The following KSR2 variants were observed in gnomAD, a reference collection of about 807,000 sequenced individuals.
The protein encoded by KSR2 is kinase suppressor of ras 2.
KSR2 carries 25 observed loss-of-function variants against 107.8 expected under a neutral mutation model. That is an observed-to-expected ratio of 0.23 (90% CI 0.17 to 0.32). The LOEUF (loss-of-function observed/expected upper bound fraction) is 0.32. KSR2 is among the 10% of genes least tolerant of loss of function. The pLI, the probability that KSR2 is intolerant of heterozygous loss-of-function variation, is 1.00. For synonymous variants in KSR2, 480 were observed against 507.0 expected (o/e 0.95, Z 0.71); for missense variants, 887 against 1,268.9 (o/e 0.70, Z 4.57).
At chr12:117,596,629 CATTA>C (rs1880660546) in intron 5 of KSR2, among the ~76,000 whole-genome samples, 1 of 152,010 alleles carries the variant, frequency 6.6e-6, no homozygotes, top group South Asian at 2.1e-4. Flanking sequence ...AACAAATTTA[CATTA>C]ATTAATTAAC....
intron 3 of KSR2, among the ~76,000 whole-genome samples, chr12:117,843,485 A>G (rs1892574357): frequency 6.6e-6 from 1 of 152,122 alleles, no homozygotes; most frequent in South Asian, 2.1e-4. Context: ...CTTCCATGGC[A>G]CCCGTGTTTC....
At chr12:117,872,640 G>C (rs970034793) in intron 1 of KSR2, among the ~76,000 whole-genome samples, 1 of 152,096 alleles carries the variant, frequency 6.6e-6, no homozygotes, top group African/African-American at 2.4e-5. Flanking sequence ...GACAGCCCAG[G>C]AATCTGTGAA....
chr12:117,526,549 C>T (rs1471161442), intron 13 of KSR2, among the ~76,000 whole-genome samples: 2 of 152,176 alleles, frequency 1.3e-5, no homozygotes, highest in African/African-American at 2.4e-5. Flanking sequence ...GAAAAGAACA[C>T]GATTTTCCTT....
rs1881261047 is a variant in KSR2 at position 117,606,489 on chromosome 12, CTTCCTCCA to C, written c.1172-24138_1172-24131del. 3.1e-5 allele frequency among the ~76,000 whole-genome samples: 2 copies of C among 65,416 alleles called. 1 individual carries two copies. Among genetic ancestry groups the C allele is most frequent in the African/African-American group, 9.4e-5 (2 of 21,388 alleles). The allele number at this position is 65,416 out of a possible 152,430, so 42.9% of individuals were successfully genotyped here. Reference sequence around the variant, plus strand: ...CCTTCCTCCCTCCCTCCTCTCCTTCCTTCCTCCATCCCCTCCTTCCTTCCTCCCTCCCC... The same window carrying C: ...CCTTCCTCCCTCCCTCCTCTCCTTCCTCCCCTCCTTCCTTCCTCCCTCCCC... On this transcript the variant is annotated intron_variant, in intron 5 of 19. Transcript: ENST00000339824.
At chr12:117,721,588 G>C (rs923993833) in intron 4 of KSR2, among the ~76,000 whole-genome samples, 1 of 152,138 alleles carries the variant, frequency 6.6e-6, no homozygotes, top group African/African-American at 2.4e-5. Context: ...CCAAAGAGGG[G>C]GCAGATTGAG....
At chr12:117,731,832 G>A (rs1887727452) in intron 4 of KSR2, among the ~76,000 whole-genome samples, 1 of 148,392 alleles carries the variant, frequency 6.7e-6, no homozygotes, top group African/African-American at 2.4e-5. Flanking sequence ...GATGCTTGAA[G>A]GCAGCATGCT....
At chr12:117,789,431 T>G (rs1433619315) in intron 3 of KSR2, among the ~76,000 whole-genome samples, 1 of 152,186 alleles carries the variant, frequency 6.6e-6, no homozygotes, top group Non-Finnish European at 1.5e-5. Context: ...TCTGAGATGC[T>G]TCCACCTCTG....
intron 5 of KSR2, among the ~76,000 whole-genome samples, chr12:117,603,747 AC>A (rs1157085594): frequency 2.0e-5 from 3 of 151,968 alleles, no homozygotes; most frequent in East Asian, 3.9e-4. Context: ...GACCAAGGGG[AC>A]CCCCCAAAAA....
intron 6 of KSR2, among the ~76,000 whole-genome samples, chr12:117,580,593 G>T (rs1027082440): frequency 1.3e-5 from 2 of 152,236 alleles, no homozygotes; most frequent in African/African-American, 2.4e-5. Context: ...CAAGGCTGGG[G>T]TGAGTCCAGT....
At chr12:117,671,173 T>C (rs1884890346) in intron 4 of KSR2, among the ~76,000 whole-genome samples, 1 of 152,238 alleles carries the variant, frequency 6.6e-6, no homozygotes, top group African/African-American at 2.4e-5. Flanking sequence ...GACTTGGCTC[T>C]GATGTCCTCT....
At chr12:117,872,005 A>G (rs889588141) in intron 1 of KSR2, among the ~76,000 whole-genome samples, 4 of 152,188 alleles carry the variant, frequency 2.6e-5, no homozygotes. Context: ...GTTACAAATC[A>G]CTTGAAAATC....
rs1592892336 is a variant in KSR2, at chr12:117,458,368, C to T, written c.*8831G>A. On this transcript the variant is annotated 3_prime_UTR_variant, in exon 20 of 20. Coordinates refer to ENST00000339824, the MANE Select transcript of KSR2 (RefSeq NM_173598.6). ...AAATTCTCACTGTAGTGCTGGAGGT[C>T]AGGGTATTTTTAAACTAGAAGAACT... The T allele has an allele frequency of 1.3e-5, 2 of 150,972 alleles. No homozygotes were observed. The highest frequency in any genetic ancestry group is 6.9e-3 in the Middle Eastern group (2 of 290). 9.4% of individuals were successfully genotyped at this position (150,972 alleles called of 1,614,324 possible). A position where few individuals can be genotyped will look rare whatever the true frequency, so the allele number is the denominator to read the frequency against.
chr12:117,855,696 G>C, intron 2 of KSR2, 118 bp from the exon 3 acceptor site: 3 of 1,014,722 alleles, frequency 3.0e-6, no homozygotes, highest in South Asian at 3.0e-5. Context: ...TTGCATGACA[G>C]TGGGGTCTCC....
chr12:117,551,357 C>A (rs708851), intron 9 of KSR2, among the ~76,000 whole-genome samples: 45,760 of 152,012 alleles, frequency 0.3, 8,242 homozygotes, highest in Admixed American at 0.44. Context: ...CATCAAGCTA[C>A]TTCCATGCCC....
intron 1 of KSR2, among the ~76,000 whole-genome samples, chr12:117,879,143 T>G (rs1893954633): frequency 6.6e-6 from 1 of 152,160 alleles, no homozygotes; most frequent in Non-Finnish European, 1.5e-5. Flanking sequence ...GGGGTGCATC[T>G]TGAAGTTCTA....
chr12:117,869,038 C>G (rs975984487), intron 1 of KSR2, among the ~76,000 whole-genome samples: 3 of 150,130 alleles, frequency 2.0e-5, no homozygotes, highest in African/African-American at 7.3e-5. Context: ...TAAGAGTGGG[C>G]CACCATGCCT....
chr12:117,855,298 GT>G, intron 3 of KSR2, 129 bp downstream of exon 3: 2 of 1,196,420 alleles, frequency 1.7e-6, no homozygotes, highest in Non-Finnish European at 2.4e-6. Context: ...CTCTTCCTGC[GT>G]TTCGGATTTG....
intron 13 of KSR2, 106 bp downstream of exon 13, chr12:117,526,965 C>T: frequency 3.5e-6 from 3 of 864,270 alleles, no homozygotes; most frequent in Non-Finnish European, 3.9e-6. Flanking sequence ...GCCACCACAG[C>T]CCCCACCTGA....
chr12:117,893,949 G>T (rs1268192759), intron 1 of KSR2, among the ~76,000 whole-genome samples: 5 of 132,790 alleles, frequency 3.8e-5, no homozygotes, highest in African/African-American at 1.5e-4. Context: ...TCGCTCTGTC[G>T]CCCAGGCTAG....
Sources: gnomAD v4.1 joint callset for allele counts (sites outside exome capture counted in the v4.1 genomes callset) on GRCh38, gnomAD v4.1.1 for gene constraint, MANE v1.5 for transcripts, NCBI Gene and HGNC (gene_info 2026-07-23, HGNC 2026-07-21) for gene names.